Variants in TMPRSS11B observed in about 807,000 individuals in gnomAD.
TMPRSS11B encodes transmembrane protease serine 11B.
Under a neutral mutation model 44.7 loss-of-function variants are expected in TMPRSS11B, and 53 were observed. The observed-to-expected ratio is 1.19, with a 90% CI of 0.95 to 1.49. TMPRSS11B has a LOEUF of 1.49. Ranked by LOEUF, TMPRSS11B falls within the 40% of genes most tolerant of loss-of-function variation. The probability of loss-of-function intolerance (pLI) is 0.00; values close to 1 mark genes in which losing one functional copy is unlikely to be tolerated. For synonymous variants in TMPRSS11B, 140 were observed against 159.2 expected, an observed-to-expected ratio of 0.88 and a Z score of 0.91; for missense variants, 526 against 494.8, an observed-to-expected ratio of 1.06 and a Z score of -0.60.
intron 1 of TMPRSS11B, among the ~76,000 whole-genome samples, chr4:68,243,924 T>C (rs1719933459): frequency 6.6e-6 from 1 of 152,188 alleles, no homozygotes; most frequent in Non-Finnish European, 1.5e-5. Flanking sequence ...TATTATTGAC[T>C]ATAGCTCTGA....
At chr4:68,236,106 C>T in intron 3 of TMPRSS11B, 37 bp from the exon 4 acceptor site, 1 of 1,565,592 alleles carries the variant, frequency 6.4e-7, no homozygotes, top group Non-Finnish European at 8.7e-7. Context: ...ATGTATGTTT[C>T]AATCAAATTT....
In TMPRSS11B at chr4:68,232,334, C is replaced by A. The variant is rs758633397; in HGVS notation, c.508+44G>T. On this transcript the variant is annotated intron_variant, in intron 6 of 9. Transcript: ENST00000332644. ...TTAATAGAAAAATAATGAGAAAATA[C>A]CTGTGAGTCCATCAAATTTATAATT... is the stretch of plus-strand genomic sequence containing the variant. 1.3e-5 allele frequency: 20 copies of A among 1,564,940 alleles called. No individual in the cohort carries two copies. The South Asian group carries it at 1.8e-4, about 14-fold the overall frequency.
rs1416111418 is a variant in TMPRSS11B, at chr4:68,227,293, T to A, written c.*618A>T. The A allele has an allele frequency of 6.6e-6, 1 of 152,192 alleles. No individual in the cohort carries two copies. The highest frequency in any genetic ancestry group is 2.4e-5 in the African/African-American group (1 of 41,462). 9.4% of individuals were successfully genotyped at this position (152,192 alleles called of 1,614,324 possible). A position where few individuals can be genotyped will look rare whatever the true frequency, so the allele number is the denominator to read the frequency against. On this transcript the variant is annotated 3_prime_UTR_variant, in exon 10 of 10. Coordinates refer to ENST00000332644, the MANE Select transcript of TMPRSS11B (RefSeq NM_182502.3). The stretch of plus-strand genomic sequence containing the variant: ...TAGTTTCAAAATTTATATTTTATTT[T>A]CTTTTGATTCTGGAAAACAAATTAA...
intron 4 of TMPRSS11B, 105 bp downstream of exon 4, chr4:68,235,896 CT>C: frequency 1.8e-6 from 1 of 544,850 alleles, no homozygotes. Context: ...CTTTGTTTCT[CT>C]TTTTCTTTAT....
chr4:68,230,811 A>G (rs1719489897), intron 7 of TMPRSS11B, among the ~76,000 whole-genome samples: 1 of 151,788 alleles, frequency 6.6e-6, no homozygotes, highest in Non-Finnish European at 1.5e-5. Flanking sequence ...CTCAAAAAAA[A>G]AAAAAAAGAG....
At chr4:68,241,563 T>G (rs1719821705) in intron 2 of TMPRSS11B, 126 bp downstream of exon 2, 1 of 648,146 alleles carries the variant, frequency 1.5e-6, no homozygotes, top group Non-Finnish European at 2.6e-6. Context: ...TAATAAACTG[T>G]GTTGAAATAA....
chr4:68,233,003 C>G (rs180906425), intron 5 of TMPRSS11B, among the ~76,000 whole-genome samples: 1 of 152,062 alleles, frequency 6.6e-6, no homozygotes, highest in Non-Finnish European at 1.5e-5. Context: ...CCATCCTGCT[C>G]TTTAGGGAAA....
At chr4:68,229,135 G>T in intron 8 of TMPRSS11B, 122 bp downstream of exon 8, 2 of 1,115,392 alleles carry the variant, frequency 1.8e-6, no homozygotes, top group Non-Finnish European at 2.6e-6. Context: ...CCACCACTTG[G>T]TTTTCTTTTC....
intron 5 of TMPRSS11B, among the ~76,000 whole-genome samples, chr4:68,232,625 A>C (rs1719547860): frequency 6.6e-6 from 1 of 152,202 alleles, no homozygotes; most frequent in Non-Finnish European, 1.5e-5. Context: ...GCCTAGAAAA[A>C]GAGAAAAGGG....
chr4:68,238,695 C>A (rs1362352336), intron 2 of TMPRSS11B, among the ~76,000 whole-genome samples: 1 of 152,004 alleles, frequency 6.6e-6, no homozygotes, highest in Non-Finnish European at 1.5e-5. Flanking sequence ...CCACTGCACT[C>A]CAGCCTGGGA....
chr4:68,229,939 T>C (rs767586483), intron 7 of TMPRSS11B, among the ~76,000 whole-genome samples: 70 of 152,244 alleles, frequency 4.6e-4, no homozygotes, highest in Middle Eastern at 3.4e-3. Flanking sequence ...TAGGCCCTAA[T>C]GTCTATTGTT....
At chr4:68,234,411 AT>A (rs749740360) in intron 5 of TMPRSS11B, 51 bp downstream of exon 5, 22 of 1,545,682 alleles carry the variant, frequency 1.4e-5, no homozygotes, top group South Asian at 2.4e-5. Flanking sequence ...TTTTAAAAAA[AT>A]AATCCAGAAA....
chr4:68,228,969 T>C, intron 8 of TMPRSS11B, 85 bp from the exon 9 acceptor site: 1 of 1,436,886 alleles, frequency 7.0e-7, no homozygotes, highest in African/African-American at 1.4e-5. Flanking sequence ...AAGCAGACTC[T>C]CTTGGTCACC....
chr4:68,239,418 C>T (rs1193064298), intron 2 of TMPRSS11B, among the ~76,000 whole-genome samples: 2 of 152,158 alleles, frequency 1.3e-5, no homozygotes, highest in Admixed American at 6.5e-5. Context: ...AAAGAAGTCT[C>T]CCCAGAAACT....
intron 2 of TMPRSS11B, 120 bp downstream of exon 2, chr4:68,241,569 A>G (rs1719821838): frequency 5.9e-6 from 4 of 677,150 alleles, no homozygotes; most frequent in Admixed American, 3.0e-5. Context: ...ACTGTGTTGA[A>G]ATAAAATAGT....
chr4:68,231,107 C>T, intron 7 of TMPRSS11B, 96 bp downstream of exon 7: 1 of 1,045,044 alleles, frequency 9.6e-7, no homozygotes, highest in Non-Finnish European at 1.3e-6. Context: ...TTTCATATGG[C>T]CTTGGTGAAC....
chr4:68,241,365 C>G (rs897406349), intron 2 of TMPRSS11B, among the ~76,000 whole-genome samples: 3 of 152,054 alleles, frequency 2.0e-5, no homozygotes, highest in Non-Finnish European at 2.9e-5. Context: ...GAAGGAATCT[C>G]TAAAGTTTGA....
At chr4:68,229,018 A>T in intron 8 of TMPRSS11B, 134 bp from the exon 9 acceptor site, 1 of 1,035,876 alleles carries the variant, frequency 9.7e-7, no homozygotes, top group Non-Finnish European at 1.4e-6. Flanking sequence ...AGTCTCTTTC[A>T]GGTGTTTGTA....
chr4:68,238,821 C>G (rs1719744405), intron 2 of TMPRSS11B, among the ~76,000 whole-genome samples: 2 of 152,098 alleles, frequency 1.3e-5, no homozygotes, highest in African/African-American at 4.8e-5. Context: ...ACTATTTTAT[C>G]ATTTTCATCT....
Sources: allele counts gnomAD v4.1 joint callset (sites outside exome capture counted in the v4.1 genomes callset), GRCh38; gene constraint gnomAD v4.1.1; transcripts MANE v1.5; gene names NCBI Gene and HGNC (gene_info 2026-07-23, HGNC 2026-07-21).